The following SYT2 variants were observed in gnomAD, a reference collection of about 807,000 sequenced individuals.
SYT2 encodes synaptotagmin 2.
SYT2 carries 15 observed loss-of-function variants against 39.9 expected under a neutral mutation model. The ratio of observed to expected loss-of-function variants is 0.38; its 90% confidence interval spans 0.25 to 0.58. The LOEUF is 0.58. Ranked by LOEUF, SYT2 falls within the 20% of genes least tolerant of loss-of-function variation. The probability of loss-of-function intolerance (pLI) is 0.70; values close to 1 mark genes in which losing one functional copy is unlikely to be tolerated. For synonymous variants in SYT2, 181 were observed against 204.5 expected (o/e 0.89, Z 0.98); for missense variants, 389 against 530.3 (o/e 0.73, Z 2.62).
At chr1:202,705,370 C>T (rs1654222772) in intron 1 of SYT2, among the ~76,000 whole-genome samples, 1 of 152,240 alleles carries the variant, frequency 6.6e-6, no homozygotes, top group Admixed American at 6.5e-5. Context: ...AGGGAGGAGC[C>T]CTGAGGTTCC....
chr1:202,709,329 G>T (rs1024242647), intron 1 of SYT2, among the ~76,000 whole-genome samples: 14 of 152,224 alleles, frequency 9.2e-5, no homozygotes, highest in African/African-American at 3.4e-4. Flanking sequence ...ATGGGCTGGG[G>T]GTGTCCTGGA....
intron 1 of SYT2, among the ~76,000 whole-genome samples, chr1:202,674,141 AC>A (rs1371410901): frequency 1.3e-5 from 2 of 152,180 alleles, no homozygotes; most frequent in Non-Finnish European, 2.9e-5. Flanking sequence ...TCACTCTGTC[AC>A]CTGGGCTGGA....
At chr1:202,659,603 T>A (rs1692342104) in intron 1 of SYT2, among the ~76,000 whole-genome samples, 1 of 152,190 alleles carries the variant, frequency 6.6e-6, no homozygotes, top group Admixed American at 6.5e-5. Context: ...GCAGTCTCCG[T>A]CCTGGCTCTC....
At chr1:202,643,612 C>T (rs1455226879) in intron 1 of SYT2, among the ~76,000 whole-genome samples, 1 of 151,752 alleles carries the variant, frequency 6.6e-6, no homozygotes, top group Non-Finnish European at 1.5e-5. Context: ...CCAGGCAATC[C>T]CCGCTGCTGG....
chr1:202,655,538 C>A (rs1432344793), intron 1 of SYT2, among the ~76,000 whole-genome samples: 3 of 152,192 alleles, frequency 2.0e-5, no homozygotes, highest in African/African-American at 7.2e-5. Context: ...TGTGCTGGGT[C>A]TTTATGTGCC....
chr1:202,646,729 G>A (rs1692091786), intron 1 of SYT2, among the ~76,000 whole-genome samples: 1 of 152,232 alleles, frequency 6.6e-6, no homozygotes, highest in Admixed American at 6.5e-5. Flanking sequence ...GCATAGCAGT[G>A]TTGGCCTTGC....
At chr1:202,701,632 C>G (rs1316057815) in intron 1 of SYT2, among the ~76,000 whole-genome samples, 1 of 152,142 alleles carries the variant, frequency 6.6e-6, no homozygotes, top group African/African-American at 2.4e-5. Flanking sequence ...ATACTATTAC[C>G]TTGATTCATG....
intron 2 of SYT2, 122 bp downstream of exon 2, chr1:202,605,473 A>G (rs1234808741): frequency 1.0e-6 from 1 of 955,592 alleles, no homozygotes; most frequent in Non-Finnish European, 1.5e-6. Context: ...CCAAAAACCC[A>G]GCCTGAAATC....
chr1:202,648,134 T>G (rs1692124874), intron 1 of SYT2, among the ~76,000 whole-genome samples: 1 of 152,206 alleles, frequency 6.6e-6, no homozygotes, highest in Non-Finnish European at 1.5e-5. Flanking sequence ...TGTAAAAAAC[T>G]TAGAACGTCA....
chr1:202,679,730 A>C (rs1653478171), intron 1 of SYT2, among the ~76,000 whole-genome samples: 1 of 152,182 alleles, frequency 6.6e-6, no homozygotes, highest in Non-Finnish European at 1.5e-5. Flanking sequence ...ATCTGGTCAT[A>C]TCATGTCCCT....
chr1:202,648,030 C>G (rs1692122606), intron 1 of SYT2, among the ~76,000 whole-genome samples: 1 of 152,216 alleles, frequency 6.6e-6, no homozygotes, highest in African/African-American at 2.4e-5. Context: ...TGACCTTGGT[C>G]AAGGCACTTC....
At chr1:202,665,548 G>C (rs1692466437) in intron 1 of SYT2, among the ~76,000 whole-genome samples, 1 of 152,148 alleles carries the variant, frequency 6.6e-6, no homozygotes, top group South Asian at 2.1e-4. Flanking sequence ...TCTATAGCTG[G>C]GAAGATAAAG....
At chr1:202,605,466 A>G in intron 2 of SYT2, 129 bp downstream of exon 2, 2 of 911,604 alleles carry the variant, frequency 2.2e-6, no homozygotes, top group East Asian at 2.6e-5. Flanking sequence ...GGGCTCTCCA[A>G]AAACCCAGCC....
At chr1:202,640,507 T>C (rs1691873871) in intron 1 of SYT2, among the ~76,000 whole-genome samples, 1 of 150,112 alleles carries the variant, frequency 6.7e-6, no homozygotes, top group African/African-American at 2.5e-5. Context: ...GACATGCCTT[T>C]AGCCACTCAC....
At chr1:202,613,269 C>T (rs1467365363) in intron 1 of SYT2, among the ~76,000 whole-genome samples, 14 of 151,738 alleles carry the variant, frequency 9.2e-5, no homozygotes, top group African/African-American at 3.1e-4. Flanking sequence ...TTAGTAGAGA[C>T]GGGGTTCCAC....
At position 202,646,060 on chromosome 1, in the gene SYT2, G is replaced by A. The variant is rs542916735; in HGVS notation, c.-17-40271C>T. Reference sequence around the variant, plus strand: ...TCACCCAAGGTCCTGAGGTAGGTTAGGGCATGGAGCTGGGTCTTGTGAGTC... The same window carrying A: ...TCACCCAAGGTCCTGAGGTAGGTTAAGGCATGGAGCTGGGTCTTGTGAGTC... On this transcript the variant is annotated intron_variant, in intron 1 of 8. Transcript: ENST00000367268. Among the ~76,000 whole-genome samples, 5 of 152,342 alleles carry A rather than the reference G, an allele frequency of 3.3e-5. No homozygotes were observed. In the East Asian group the frequency reaches 9.6e-4, roughly 29 times the overall value.
At chr1:202,630,289 C>T (rs1310230642) in intron 1 of SYT2, 2 of 786,166 alleles carry the variant, frequency 2.5e-6, no homozygotes, top group Non-Finnish European at 3.1e-6. Context: ...CCCCTGGCTC[C>T]CACACACTCT....
At chr1:202,668,882 A>G (rs1166092544) in intron 1 of SYT2, among the ~76,000 whole-genome samples, 5 of 152,354 alleles carry the variant, frequency 3.3e-5, no homozygotes, top group Non-Finnish European at 4.4e-5. Context: ...TTGAAGCCAC[A>G]TGCATCTCTT....
In SYT2 at chr1:202,595,923, G is replaced by A. The variant is rs1037918914; in HGVS notation, c.*834C>T. On this transcript the variant is annotated 3_prime_UTR_variant, in exon 9 of 9. Transcript: ENST00000367268. Reference sequence around the variant, plus strand: ...CAACTAGTGAATAGCTCATATCCATGAATGTCCCAGGAACTACACTTCTGG... The same window carrying A: ...CAACTAGTGAATAGCTCATATCCATAAATGTCCCAGGAACTACACTTCTGG... 1.3e-4 allele frequency: 20 copies of A among 152,306 alleles called. No homozygotes were observed. Among genetic ancestry groups the A allele is most frequent in the Admixed American group, 6.5e-4 (10 of 15,302 alleles). 9.4% of individuals were successfully genotyped at this position (152,306 alleles called of 1,614,324 possible). A position where few individuals can be genotyped will look rare whatever the true frequency, so the allele number is the denominator to read the frequency against.
Sources: allele counts gnomAD v4.1 joint callset (sites outside exome capture counted in the v4.1 genomes callset), GRCh38; gene constraint gnomAD v4.1.1; transcripts MANE v1.5; gene names NCBI Gene and HGNC (gene_info 2026-07-23, HGNC 2026-07-21).